The following DAGLA variants were observed in gnomAD, a reference collection of about 807,000 sequenced individuals.
DAGLA encodes diacylglycerol lipase alpha, also known as diacylglycerol lipase-alpha.
Under a neutral mutation model 102.6 loss-of-function variants are expected in DAGLA, and 22 were observed. The ratio of observed to expected loss-of-function variants is 0.21; its 90% CI spans 0.15 to 0.31. The LOEUF is 0.31. Ranked by LOEUF, DAGLA falls within the 10% of genes least tolerant of loss-of-function variation. DAGLA has a pLI of 1.00. For synonymous variants in DAGLA, 578 were observed against 628.9 expected (o/e 0.92, Z 1.21); for missense variants, 927 against 1,446.6 (o/e 0.64, Z 5.83).
chr11:61,735,464 C>T, intron 10 of DAGLA, 97 bp from the exon 11 acceptor site: 4 of 1,083,048 alleles, frequency 3.7e-6, no homozygotes, highest in Non-Finnish European at 5.4e-6. Flanking sequence ...GCTGGTGGAG[C>T]CAGAGTTCCT....
chr11:61,714,550 C>G (rs1164933595), intron 1 of DAGLA, among the ~76,000 whole-genome samples: 1 of 152,234 alleles, frequency 6.6e-6, no homozygotes, highest in African/African-American at 2.4e-5. Context: ...GATCTCAGCC[C>G]AGGCTCCCTG....
intron 1 of DAGLA, among the ~76,000 whole-genome samples, chr11:61,708,411 C>T (rs1434758820): frequency 2.7e-5 from 4 of 149,720 alleles, no homozygotes; most frequent in Non-Finnish European, 5.9e-5. Flanking sequence ...GATGGAGTCT[C>T]ACTCTGTCGC....
In DAGLA at chr11:61,682,316, T is replaced by C. The variant is rs541341051; in HGVS notation, c.-45+1812T>C. Among the ~76,000 whole-genome samples the C allele has an allele frequency of 1.3e-4, 20 of 152,164 alleles. No individual in the cohort carries two copies. The East Asian group carries it at 3.9e-3, about 29-fold the overall frequency. On this transcript the variant is annotated intron_variant, in intron 1 of 19. Coordinates refer to ENST00000257215, the MANE Select transcript of DAGLA (RefSeq NM_006133.3). ...TCTCATCAAGTAAAGAGACCAGGGC[T>C]GGAGGCAGGAGCCATAGGAAATGGT...
At chr11:61,690,454 G>T (rs1327033680) in intron 1 of DAGLA, among the ~76,000 whole-genome samples, 1 of 152,196 alleles carries the variant, frequency 6.6e-6, no homozygotes, top group African/African-American at 2.4e-5. Context: ...AATGGCAAAA[G>T]CTATGTGGTG....
intron 1 of DAGLA, among the ~76,000 whole-genome samples, chr11:61,698,497 C>T (rs1233126375): frequency 6.6e-6 from 1 of 152,226 alleles, no homozygotes. Flanking sequence ...TGCAAGCCTC[C>T]AGAGCCACTT....
At chr11:61,727,358 G>C (rs376490613) in intron 6 of DAGLA, among the ~76,000 whole-genome samples, 2 of 152,224 alleles carry the variant, frequency 1.3e-5, no homozygotes, top group East Asian at 3.9e-4. Context: ...TGCAGCCCTT[G>C]ATTTAGTCAC....
chr11:61,744,229 G>A lies in DAGLA; in HGVS notation c.2869G>A (p.Glu957Lys), dbSNP rs1426621591. The change falls in exon 20 of 20, where the codon GAG becomes AAG. Residue 957 changes from glutamate to lysine, a missense_variant. Physicochemically the swap from Glu to Lys is moderately conservative, Grantham distance 56. Transcript: ENST00000257215. Reference protein sequence around the residue: ...AEGPKSPSQQEILLRAQFEPN... With the variant: ...AEGPKSPSQQKILLRAQFEPN... ...GGGCCCCAAGTCCCCCAGCCAGCAA[G>A]AGATCCTGCTCCGTGCCCAGTTCGA... 6.2e-7 allele frequency: 1 copy of A among 1,612,966 alleles called. No homozygotes were observed. Among genetic ancestry groups the A allele is most frequent in the Non-Finnish European group, 8.5e-7 (1 of 1,179,986 alleles).
chr11:61,741,397 G>C (rs1565265667), intron 19 of DAGLA, 48 bp downstream of exon 19: 1 of 1,569,336 alleles, frequency 6.4e-7, no homozygotes. Context: ...GTGTGGTTCA[G>C]AGCACATAGA....
chr11:61,726,210 C>A, intron 6 of DAGLA, 128 bp downstream of exon 6: 1 of 817,454 alleles, frequency 1.2e-6, no homozygotes, highest in Non-Finnish European at 2.0e-6. Context: ...CCAGCGTGAG[C>A]AAGTATGGCC....
At chr11:61,703,847 C>A (rs907203683) in intron 1 of DAGLA, among the ~76,000 whole-genome samples, 1 of 152,168 alleles carries the variant, frequency 6.6e-6, no homozygotes, top group African/African-American at 2.4e-5. Context: ...CAAAGTTTTA[C>A]GTGACATGGG....
chr11:61,723,408 C>A (rs9735635), intron 4 of DAGLA, 26 bp from the exon 5 acceptor site: 228,072 of 1,604,782 alleles, frequency 0.14, 18,013 homozygotes, highest in East Asian at 0.34. Context: ...GCGCCCCTAC[C>A]TAATGCCTCC....
In DAGLA at chr11:61,746,586, C is replaced by G. The variant is rs2065541278; in HGVS notation, c.*2097C>G. On this transcript the variant is annotated 3_prime_UTR_variant, in exon 20 of 20. Transcript: ENST00000257215. ...CAATCCTGGGCACCCAGGGGCAGCC[C>G]ACCCCTAACCTGGCTCCTACCCACC... 6.6e-6 allele frequency: 1 copy of G among 152,566 alleles called. No homozygotes were observed. Among genetic ancestry groups the G allele is most frequent in the Non-Finnish European group, 1.5e-5 (1 of 68,048 alleles). 9.5% of individuals were successfully genotyped at this position (152,566 alleles called of 1,614,324 possible).
At chr11:61,685,872 C>CT (rs1312039350) in intron 1 of DAGLA, among the ~76,000 whole-genome samples, 1 of 152,024 alleles carries the variant, frequency 6.6e-6, no homozygotes, top group African/African-American at 2.4e-5. Flanking sequence ...CTGTTGTGTG[C>CT]TGTAGGGCGC....
At position 61,722,897 on chromosome 11, in the gene DAGLA, A is replaced by C; in HGVS notation, c.346A>C (p.Ile116Leu). 6.2e-7 allele frequency: 1 copy of C among 1,614,158 alleles called. No individual in the cohort carries two copies. Among genetic ancestry groups the C allele is most frequent in the Non-Finnish European group, 8.5e-7 (1 of 1,180,022 alleles). ...CGAGTTCATCTACGCCATCGTGGGC[A>C]TCGTCTGGCTCACTCAGTACTACAC... ...VIEFIYAIVG[I>L]VWLTQYYTSC... Residue 116 changes from isoleucine to leucine, a missense_variant, in exon 4 of 20, where the codon ATC becomes CTC. Around this residue, in one of 4 missense-constraint regions of DAGLA, gnomAD observed 231 missense variants for 439.8 expected, o/e 0.53. Coordinates refer to ENST00000257215, the MANE Select transcript of DAGLA (RefSeq NM_006133.3).
chr11:61,694,945 A>T (rs376129670), intron 1 of DAGLA, among the ~76,000 whole-genome samples: 4 of 152,176 alleles, frequency 2.6e-5, no homozygotes, highest in Non-Finnish European at 5.9e-5. Flanking sequence ...AAACCCAAAC[A>T]TGTGCACGTC....
In DAGLA at chr11:61,741,168, G is replaced by C; in HGVS notation, c.1990G>C (p.Glu664Gln). The stretch of plus-strand genomic sequence containing the variant: ...TCCTCTGTCCTGTCCTCAGGTGCTG[G>C]AGAACTACAACAAGGGGAAGACCGC... ...VVMEGLNKVL[E>Q]NYNKGKTALL... The change falls in exon 19 of 20, where the codon GAG becomes CAG. Residue 664 changes from glutamate to glutamine, a missense_variant. This residue lies in a region of DAGLA where 218 missense variants were observed against 459.6 expected (regional missense o/e 0.47). Transcript: ENST00000257215. The C allele has an allele frequency of 6.2e-7, 1 of 1,612,372 alleles. No homozygotes were observed. The highest frequency in any genetic ancestry group is 8.5e-7 in the Non-Finnish European group (1 of 1,179,806).
chr11:61,722,401 C>T (rs2065291740), intron 3 of DAGLA, among the ~76,000 whole-genome samples: 1 of 152,200 alleles, frequency 6.6e-6, no homozygotes, highest in South Asian at 2.1e-4. Context: ...GCCTGGCCAA[C>T]ATGACGAAAC....
intron 1 of DAGLA, among the ~76,000 whole-genome samples, chr11:61,683,141 G>A (rs1229650280): frequency 2.0e-5 from 3 of 152,234 alleles, no homozygotes; most frequent in South Asian, 2.1e-4. Context: ...CATTCCATGC[G>A]GGTGTCTGCC....
chr11:61,736,147 G>T, intron 12 of DAGLA, 123 bp from the exon 13 acceptor site: 1 of 769,702 alleles, frequency 1.3e-6, no homozygotes, highest in South Asian at 1.6e-5. Context: ...CCCACAGCTG[G>T]GTTGTCACGA....
Sources: allele counts gnomAD v4.1 joint callset (sites outside exome capture counted in the v4.1 genomes callset), GRCh38; gene constraint gnomAD v4.1.1; regional missense constraint gnomAD v4.1.1; transcripts MANE v1.5; gene names NCBI Gene and HGNC (gene_info 2026-07-23, HGNC 2026-07-21).